NLRC4: variants seen among roughly 807,000 people sequenced by gnomAD.
NLRC4 encodes NLR family CARD domain containing 4, also known as NLR family CARD domain-containing protein 4.
NLRC4 carries 63 observed loss-of-function variants against 79.9 expected under a neutral mutation model. That is an observed-to-expected ratio of 0.79 (90% CI 0.64 to 0.97). NLRC4 has a LOEUF of 0.97. NLRC4 is among the 50% of genes least tolerant of loss of function. The probability of loss-of-function intolerance (pLI) is 0.00; values close to 1 mark genes in which losing one functional copy is unlikely to be tolerated. For missense variants in NLRC4, 1,074 were observed against 1,215.2 expected (o/e 0.88, Z 1.73); for synonymous variants, 461 against 456.5 (o/e 1.01, Z -0.12).
chr2:32,237,950 G>A (rs1412963368), intron 6 of NLRC4, among the ~76,000 whole-genome samples, 182 bp downstream of exon 6: 1 of 152,106 alleles, frequency 6.6e-6, no homozygotes, highest in Non-Finnish European at 1.5e-5. Context: ...TCCATCAATA[G>A]TTGATTTAAT....
intron 8 of NLRC4, among the ~76,000 whole-genome samples, chr2:32,232,130 A>G (rs1686552657): frequency 6.6e-6 from 1 of 152,184 alleles, no homozygotes; most frequent in Admixed American, 6.5e-5. Flanking sequence ...TATTTTCGTC[A>G]TGTCATATCT....
chr2:32,246,160 G>A (rs993759906), intron 4 of NLRC4, among the ~76,000 whole-genome samples: 2 of 152,110 alleles, frequency 1.3e-5, no homozygotes, highest in African/African-American at 4.8e-5. Flanking sequence ...CTCCAGCCTG[G>A]GTGACAGAGT....
chr2:32,251,297 T>C lies in NLRC4; in HGVS notation c.567A>G (p.Gly189=), dbSNP rs1687071613. Residue 189 remains glycine (G), a synonymous_variant, in exon 4 of 9, where the codon GGA becomes GGG. Coordinates refer to ENST00000402280, the MANE Select transcript of NLRC4 (RefSeq NM_001199138.2). The part of the protein sequence containing the change: ...LQRIAMLWGS[G]KCKALTKFKF... ...TGAACTTGGTCAGAGCCTTGCACTTTCCGGAGCCCCAGAGCATGGCAATTC... is the reference window on the plus strand; with the variant it reads ...TGAACTTGGTCAGAGCCTTGCACTTCCCGGAGCCCCAGAGCATGGCAATTC... The C allele has an allele frequency of 1.2e-6, 2 of 1,614,018 alleles. No individual in the cohort carries two copies. Among genetic ancestry groups the C allele is most frequent in the South Asian group, 1.1e-5 (1 of 91,080 alleles).
chr2:32,260,577 G>A (rs1457763984), intron 1 of NLRC4, among the ~76,000 whole-genome samples: 3 of 152,140 alleles, frequency 2.0e-5, no homozygotes, highest in African/African-American at 7.2e-5. Flanking sequence ...CTAATAAAAA[G>A]CAGCCTGAAA....
At chr2:32,236,479 T>C (rs1339119085) in intron 6 of NLRC4, 140 bp from the exon 7 acceptor site, 2 of 614,090 alleles carry the variant, frequency 3.3e-6, no homozygotes, top group Admixed American at 3.1e-5. Flanking sequence ...TTATTTTAAT[T>C]ATTTCCAAAG....
At chr2:32,255,516 G>A (rs572127042) in intron 2 of NLRC4, among the ~76,000 whole-genome samples, 14 of 97,092 alleles carry the variant, frequency 1.4e-4, no homozygotes, top group African/African-American at 3.5e-4. Context: ...GCAAAACTCC[G>A]TCTCAAAAAA....
rs1199338262 is a variant in NLRC4 at position 32,250,321 on chromosome 2, G to A, written c.1543C>T (p.His515Tyr). 48 of 1,614,218 alleles carry A rather than the reference G, an allele frequency of 3.0e-5. No homozygotes were observed. The highest frequency in any genetic ancestry group is 3.9e-5 in the Non-Finnish European group (46 of 1,180,036). The change falls in exon 4 of 9, where the codon CAC becomes TAC. Residue 515 changes from histidine to tyrosine, a missense_variant. Physicochemically the swap from His to Tyr is moderately conservative, Grantham distance 83. Transcript: ENST00000402280. This position sits in a 1 kb window ranked among gnomAD's most constrained non-coding sequence, Gnocchi z 4.9. ...ATGGAAAGTCCGAGAAGGCAGCCGT[G>A]TTGATACACTGCTGCGAGGTGCTTC... ...VMKHLAAVYQ[H>Y]GCLLGLSIAK...
intron 5 of NLRC4, among the ~76,000 whole-genome samples, chr2:32,240,431 C>T (rs1030650762): frequency 3.3e-4 from 49 of 149,316 alleles, no homozygotes; most frequent in Admixed American, 1.2e-3. Flanking sequence ...ATCCAACACA[C>T]GAGAAAACAG....
intron 2 of NLRC4, among the ~76,000 whole-genome samples, chr2:32,253,762 C>T (rs907188054): frequency 6.6e-6 from 1 of 151,920 alleles, no homozygotes; most frequent in African/African-American, 2.4e-5. Flanking sequence ...GTCGGGAGTT[C>T]GAGACCAGCC....
In NLRC4 at chr2:32,256,814, T is replaced by C. The variant is rs370336547; in HGVS notation, c.-39A>G. 28 of 780,118 alleles carry C rather than the reference T, an allele frequency of 3.6e-5. No individual in the cohort carries two copies. Among genetic ancestry groups the C allele is most frequent in the African/African-American group, 5.1e-5 (3 of 59,122 alleles). The allele number at this position is 780,118 out of a possible 1,614,324, so 48.3% of individuals were successfully genotyped here. A position where few individuals can be genotyped will look rare whatever the true frequency, so the allele number is the denominator to read the frequency against. ...AGCTTCCCACCTTTCTATAACACAA[T>C]AGAAAATATTATTTCCAAATGGAAA... On this transcript the variant is annotated 5_prime_UTR_variant, in exon 2 of 9. Coordinates refer to ENST00000402280, the MANE Select transcript of NLRC4 (RefSeq NM_001199138.2).
intron 4 of NLRC4, among the ~76,000 whole-genome samples, chr2:32,247,232 G>A (rs1269019317): frequency 6.6e-6 from 1 of 152,176 alleles, no homozygotes; most frequent in Non-Finnish European, 1.5e-5. Flanking sequence ...GGAAGGACTG[G>A]GTATTGGGTA....
chr2:32,231,947 C>G (rs990842637), intron 8 of NLRC4, among the ~76,000 whole-genome samples: 1 of 152,170 alleles, frequency 6.6e-6, no homozygotes, highest in Non-Finnish European at 1.5e-5. Context: ...CTTTAGGTTC[C>G]TCATGCTTAT....
Position 32,233,349 on chromosome 2 carries a change from A to ATTTTT in NLRC4, c.2782+2047_2782+2051dup, listed in dbSNP as rs1176305976. On this transcript the variant is annotated intron_variant, in intron 8 of 8. Transcript: ENST00000402280. ...TATATATATATATATATATATATAT[A>ATTTTT]TTTTTTTTTTTTTTTTTTTAATTGT... 6.8e-4 allele frequency among the ~76,000 whole-genome samples: 28 copies of ATTTTT among 41,098 alleles called. 1 individual carries two copies. Among genetic ancestry groups the ATTTTT allele is most frequent in the African/African-American group, 2.4e-3 (25 of 10,482 alleles). 27.0% of individuals were successfully genotyped at this position (41,098 alleles called of 152,430 possible). A position where few individuals can be genotyped will look rare whatever the true frequency, so the allele number is the denominator to read the frequency against.
At chr2:32,232,622 C>T (rs1012512629) in intron 8 of NLRC4, among the ~76,000 whole-genome samples, 1 of 152,180 alleles carries the variant, frequency 6.6e-6, no homozygotes, top group African/African-American at 2.4e-5. Flanking sequence ...TGAATTGACT[C>T]ATGCTACTGT....
At chr2:32,228,073 C>T (rs966424228) in intron 8 of NLRC4, among the ~76,000 whole-genome samples, 6 of 152,170 alleles carry the variant, frequency 3.9e-5, no homozygotes, top group East Asian at 1.9e-4. Context: ...CTATGTGCTG[C>T]GGATTATGCT....
chr2:32,235,362 C>A, intron 8 of NLRC4, 39 bp downstream of exon 8: 2 of 1,522,760 alleles, frequency 1.3e-6, no homozygotes, highest in Non-Finnish European at 1.8e-6. Flanking sequence ...TTTTTAAGGG[C>A]CAAATCCAGT....
rs1686477423 is a variant in NLRC4, at chr2:32,229,319, C to T, written c.2783-4554G>A. Among the ~76,000 whole-genome samples, 4 of 151,896 alleles carry T rather than the reference C, an allele frequency of 2.6e-5. No homozygotes were observed. The South Asian group carries it at 8.3e-4, about 32-fold the overall frequency. ...GTGCACACACTTATAATGGCACATA[C>T]TTATAGTGGCGGCATGGACCGGTAA... On this transcript the variant is annotated intron_variant, in intron 8 of 8. Transcript: ENST00000402280.
rs750324365 is a variant in NLRC4 at position 32,251,372 on chromosome 2, G to C, written c.492C>G (p.Pro164=). ...LNGLLQALQS[P]CIIEGESGKG... The stretch of plus-strand genomic sequence containing the variant: ...TGCCAGATTCCCCTTCAATGATGCA[G>C]GGGCTCTGAAGAGCCTGCAGGAGGC... Residue 164 remains proline (P), a synonymous_variant, in exon 4 of 9, where the codon CCC becomes CCG. Transcript: ENST00000402280. 6.2e-7 allele frequency: 1 copy of C among 1,614,136 alleles called. No individual in the cohort carries two copies. Among genetic ancestry groups the C allele is most frequent in the Non-Finnish European group, 8.5e-7 (1 of 1,180,022 alleles).
rs191756186 is a variant in NLRC4, at chr2:32,256,041, A to T, written c.1+734T>A. Among the ~76,000 whole-genome samples, 988 of 152,134 alleles carry T rather than the reference A, an allele frequency of 6.5e-3. 12 individuals carry two copies. The highest frequency in any genetic ancestry group is 0.021 in the African/African-American group (878 of 41,500). ...ACAAAAAAAAAAATTTACAAAAAAA[A>T]ATATATATATAAACAGTAAGATATT... On this transcript the variant is annotated intron_variant, in intron 2 of 8. Coordinates refer to ENST00000402280, the MANE Select transcript of NLRC4 (RefSeq NM_001199138.2).
Sources: gnomAD v4.1 joint callset for allele counts (sites outside exome capture counted in the v4.1 genomes callset) on GRCh38, gnomAD v4.1.1 for gene constraint, Gnocchi (gnomAD v3.1) non-coding constraint, MANE v1.5 for transcripts, NCBI Gene and HGNC (gene_info 2026-07-23, HGNC 2026-07-21) for gene names.